The following FYTTD1 variants were observed in gnomAD, a reference collection of about 807,000 sequenced individuals.
FYTTD1 encodes the protein forty-two-three domain containing 1, also known as UAP56-interacting factor.
A neutral mutation model predicts 40.9 loss-of-function variants in FYTTD1; 22 were observed. The observed-to-expected ratio is 0.54, with a 90% confidence interval of 0.38 to 0.77. The LOEUF is 0.77. Ranked by LOEUF, FYTTD1 falls within the 30% of genes least tolerant of loss-of-function variation. The pLI, the probability that FYTTD1 is intolerant of heterozygous loss-of-function variation, is 0.00. For missense variants in FYTTD1, 351 were observed against 392.2 expected, an observed-to-expected ratio of 0.90 and a Z score of 0.89; for synonymous variants, 140 against 137.9, an observed-to-expected ratio of 1.01 and a Z score of -0.10.
Position 197,750,466 on chromosome 3 carries a change from C to T in FYTTD1, c.103+392C>T, listed in dbSNP as rs1005738577. ...GGAGCGCGTTCGCGGTGGGCGTTAT[C>T]GGGGAGCGAGGGGAATGGTCCGACC... On this transcript the variant is annotated intron_variant, in intron 1 of 8. Coordinates refer to ENST00000241502, the MANE Select transcript of FYTTD1 (RefSeq NM_032288.7). 13 of 995,392 alleles carry T rather than the reference C, an allele frequency of 1.3e-5. No homozygotes were observed. The South Asian group carries it at 5.6e-4, about 43-fold the overall frequency. The allele number at this position is 995,392 out of a possible 1,614,324, so 61.7% of individuals were successfully genotyped here.
chr3:197,756,696 T>C, intron 2 of FYTTD1, 139 bp downstream of exon 2: 1 of 791,412 alleles, frequency 1.3e-6, no homozygotes, highest in Non-Finnish European at 2.1e-6. Context: ...GGTTTTTGTT[T>C]AGATCTAAAA....
chr3:197,772,639 A>C (rs1261686465), intron 4 of FYTTD1, among the ~76,000 whole-genome samples: 1 of 152,132 alleles, frequency 6.6e-6, no homozygotes, highest in Non-Finnish European at 1.5e-5. Flanking sequence ...TTTGAGATGA[A>C]GTCTGTGTCG....
At chr3:197,777,045 A>G in intron 7 of FYTTD1, 44 bp downstream of exon 7, 2 of 1,125,450 alleles carry the variant, frequency 1.8e-6, no homozygotes, top group Non-Finnish European at 2.7e-6. Context: ...ACCTCTCATT[A>G]CATGAGATCA....
intron 5 of FYTTD1, 63 bp from the exon 6 acceptor site, chr3:197,774,086 A>T: frequency 7.3e-7 from 1 of 1,367,410 alleles, no homozygotes; most frequent in South Asian, 1.2e-5. Flanking sequence ...CCAGAGCAGG[A>T]TCGCTCTTTG....
Position 197,773,471 on chromosome 3 carries a change from C to G in FYTTD1, c.566C>G (p.Ala189Gly). 6.3e-7 allele frequency: 1 copy of G among 1,597,930 alleles called. No homozygotes were observed. Among genetic ancestry groups the G allele is most frequent in the Non-Finnish European group, 8.6e-7 (1 of 1,168,708 alleles). ...AATCATCAGAAAGATACTCGTCAGGCAACTTTTCTTTTCAGAAGAGGCCTG... is the reference window on the plus strand; with the variant it reads ...AATCATCAGAAAGATACTCGTCAGGGAACTTTTCTTTTCAGAAGAGGCCTG... ...KLNHQKDTRQ[A>G]TFLFRRGLKV... Residue 189 changes from alanine (A) to glycine (G), a missense_variant, in exon 5 of 9, where the codon GCA (alanine) becomes GGA (glycine). Coordinates refer to ENST00000241502, the MANE Select transcript of FYTTD1 (RefSeq NM_032288.7).
intron 8 of FYTTD1, among the ~76,000 whole-genome samples, chr3:197,779,395 CAG>C (rs1353927628): frequency 6.6e-6 from 1 of 150,790 alleles, no homozygotes; most frequent in Non-Finnish European, 1.5e-5. Context: ...GCCTGGGCAA[CAG>C]AGCAATACTA....
chr3:197,769,826 T>TGG (rs1173234488), intron 3 of FYTTD1, among the ~76,000 whole-genome samples: 5 of 152,150 alleles, frequency 3.3e-5, no homozygotes, highest in African/African-American at 1.2e-4. Context: ...CCATCACCTG[T>TGG]GGGTCCCCTG....
At chr3:197,769,007 T>G (rs575298034) in intron 3 of FYTTD1, among the ~76,000 whole-genome samples, 1 of 152,014 alleles carries the variant, frequency 6.6e-6, no homozygotes, top group East Asian at 1.9e-4. Flanking sequence ...TCAAGTGATC[T>G]GCCCACCTTG....
intron 6 of FYTTD1, among the ~76,000 whole-genome samples, chr3:197,775,829 T>G (rs1304852526): frequency 6.6e-6 from 1 of 152,254 alleles, no homozygotes; most frequent in East Asian, 1.9e-4. Flanking sequence ...TGAACAATAT[T>G]TACATAATTG....
At position 197,774,210 on chromosome 3, in the gene FYTTD1, A is replaced by G. The variant is rs1729805172; in HGVS notation, c.656A>G (p.Gln219Arg). 4 of 1,612,572 alleles carry G rather than the reference A, an allele frequency of 2.5e-6. No homozygotes were observed. In the African/African-American group the frequency reaches 5.3e-5, roughly 22 times the overall value. ...GATGTAGTAGCAAAGAGAACTCGTC[A>G]GTAAGTTTCCATTTGTTTTTTAAGA... ...LDDVVAKRTR[Q>R]WRTSTTNGGI... The change falls in exon 6 of 9, where the codon CAA becomes CGA. Residue 219 changes from glutamine (Q) to arginine (R), a missense_variant and splice_region_variant. Physicochemically the swap from Gln to Arg is conservative, Grantham distance 43 (BLOSUM62 1). Transcript: ENST00000241502.
At chr3:197,754,548 G>A (rs6798656) in intron 1 of FYTTD1, among the ~76,000 whole-genome samples, 4,035 of 151,646 alleles carry the variant, frequency 0.027, 148 homozygotes, top group African/African-American at 0.091. Context: ...GTTTCATAGA[G>A]TTTTATTAAG....
At chr3:197,750,144 TG>T (rs1728960027) in intron 1 of FYTTD1, 70 bp downstream of exon 1, 1 of 1,225,044 alleles carries the variant, frequency 8.2e-7, no homozygotes, top group African/African-American at 1.6e-5. Context: ...GCGCGGTTTG[TG>T]GGGGCAGGGG....
intron 2 of FYTTD1, among the ~76,000 whole-genome samples, chr3:197,757,667 C>G (rs776061860): frequency 1.3e-5 from 2 of 152,058 alleles, no homozygotes; most frequent in Non-Finnish European, 2.9e-5. Context: ...CCCAGCCACT[C>G]AGGAGTTTGA....
chr3:197,767,295 C>T (rs916238686), intron 2 of FYTTD1, among the ~76,000 whole-genome samples: 17 of 151,476 alleles, frequency 1.1e-4, no homozygotes, highest in Non-Finnish European at 2.4e-4. Context: ...CCCGCCACCA[C>T]GCCTGGCTAA....
At chr3:197,750,177 G>A in intron 1 of FYTTD1, 103 bp downstream of exon 1, 2 of 979,700 alleles carry the variant, frequency 2.0e-6, no homozygotes, top group Non-Finnish European at 2.9e-6. Flanking sequence ...AGTTGCCGGC[G>A]GAGTTTTCTC....
intron 2 of FYTTD1, among the ~76,000 whole-genome samples, chr3:197,757,283 A>G (rs1729240082): frequency 6.6e-6 from 1 of 152,254 alleles, no homozygotes; most frequent in South Asian, 2.1e-4. Context: ...ATGGCTTGTT[A>G]ACTTCTTTAT....
rs576678263 is a variant in FYTTD1 at position 197,762,481 on chromosome 3, C to T, written c.235+5924C>T. Among the ~76,000 whole-genome samples, 9 of 151,852 alleles carry T rather than the reference C, an allele frequency of 5.9e-5. No individual in the cohort carries two copies. In the East Asian group the frequency reaches 1.2e-3, roughly 20 times the overall value. ...GCGGGCACCTGTAGTCCCAGCTACT[C>T]GGGAGGCTGAGGCAGGAGAATCGCT... On this transcript the variant is annotated intron_variant, in intron 2 of 8. Coordinates refer to ENST00000241502, the MANE Select transcript of FYTTD1 (RefSeq NM_032288.7).
At chr3:197,750,233 G>A (rs1405111974) in intron 1 of FYTTD1, 159 bp downstream of exon 1, 2 of 824,332 alleles carry the variant, frequency 2.4e-6, no homozygotes, top group Non-Finnish European at 3.4e-6. Context: ...AGCCGGGAGC[G>A]CAGGCTCGAC....
In FYTTD1 at chr3:197,778,450, A is replaced by G; in HGVS notation, c.844A>G (p.Ser282Gly). ...KGVPLQFDIN[S>G]VGKQTGMTLN... ...TGTTCCCCTGCAGTTTGACATAAAC[A>G]GTGTCGGAAAACAGGTAAAAAAACG... is the stretch of plus-strand genomic sequence containing the variant. Residue 282 changes from serine to glycine, a missense_variant, in exon 8 of 9, where the codon AGT becomes GGT. Transcript: ENST00000241502. The G allele has an allele frequency of 1.9e-6, 3 of 1,603,722 alleles. No homozygotes were observed. The highest frequency in any genetic ancestry group is 1.7e-6 in the Non-Finnish European group (2 of 1,174,886).
Sources: gnomAD v4.1 joint callset for allele counts (sites outside exome capture counted in the v4.1 genomes callset) on GRCh38, gnomAD v4.1.1 for gene constraint, MANE v1.5 for transcripts, NCBI Gene and HGNC (gene_info 2026-07-23, HGNC 2026-07-21) for gene names.